GRID1: variants seen among roughly 807,000 people sequenced by gnomAD.
The protein encoded by GRID1 is glutamate ionotropic receptor delta type subunit 1, also known as glutamate receptor ionotropic, delta-1.
GRID1 carries 28 observed loss-of-function variants against 98.0 expected under a neutral mutation model. That is an observed-to-expected ratio of 0.29 (90% CI 0.21 to 0.39). The LOEUF (loss-of-function observed/expected upper bound fraction) is 0.39. Ranked by LOEUF, GRID1 falls within the 10% of genes least tolerant of loss-of-function variation. The pLI, the probability that GRID1 is intolerant of heterozygous loss-of-function variation, is 1.00. For synonymous variants in GRID1, 553 were observed against 538.5 expected (o/e 1.03, Z -0.37); for missense variants, 1,111 against 1,340.5 (o/e 0.83, Z 2.67).
intron 4 of GRID1, among the ~76,000 whole-genome samples, chr10:85,973,651 A>G (rs1842435180): frequency 6.6e-6 from 1 of 152,000 alleles, no homozygotes; most frequent in Non-Finnish European, 1.5e-5. Flanking sequence ...TTCCAGTTTT[A>G]TTTTCTAATC....
intron 2 of GRID1, among the ~76,000 whole-genome samples, chr10:86,312,680 A>G (rs1459034429): frequency 2.6e-5 from 4 of 152,264 alleles, no homozygotes; most frequent in Admixed American, 6.5e-5. Flanking sequence ...ACATCTCACA[A>G]GGTGACTTGG....
At chr10:86,011,646 T>G (rs1261933764) in intron 4 of GRID1, among the ~76,000 whole-genome samples, 1 of 152,194 alleles carries the variant, frequency 6.6e-6, no homozygotes, top group Non-Finnish European at 1.5e-5. Flanking sequence ...GGAAAGAACG[T>G]AATTTCAGAT....
intron 2 of GRID1, among the ~76,000 whole-genome samples, chr10:86,299,593 C>T (rs1447777951): frequency 6.6e-6 from 1 of 151,878 alleles, no homozygotes; most frequent in Non-Finnish European, 1.5e-5. Context: ...CATGTTCTCA[C>T]TCATAGGAGG....
intron 5 of GRID1, among the ~76,000 whole-genome samples, chr10:85,903,535 T>A (rs1311806707): frequency 6.6e-6 from 1 of 152,146 alleles, no homozygotes; most frequent in Non-Finnish European, 1.5e-5. Flanking sequence ...CCACCTCACT[T>A]ACTCTTAAGG....
At chr10:86,124,101 T>C (rs1422050322) in intron 4 of GRID1, among the ~76,000 whole-genome samples, 2 of 152,152 alleles carry the variant, frequency 1.3e-5, no homozygotes, top group African/African-American at 4.8e-5. Context: ...AACTATAGAG[T>C]ACAATTCCCT....
At chr10:86,346,198 A>G (rs896806040) in intron 2 of GRID1, among the ~76,000 whole-genome samples, 1 of 152,200 alleles carries the variant, frequency 6.6e-6, no homozygotes, top group Non-Finnish European at 1.5e-5. Context: ...ACTCCAGCAC[A>G]TGGGTTCTGC....
chr10:85,941,047 A>G (rs1243890802), intron 4 of GRID1, among the ~76,000 whole-genome samples: 1 of 152,234 alleles, frequency 6.6e-6, no homozygotes, highest in East Asian at 1.9e-4. Flanking sequence ...AAGGACCCAC[A>G]TATATCAGGT....
At chr10:85,697,186 G>A (rs1160400959) in intron 12 of GRID1, among the ~76,000 whole-genome samples, 1 of 151,928 alleles carries the variant, frequency 6.6e-6, no homozygotes, top group Non-Finnish European at 1.5e-5. Flanking sequence ...ATAGTTTTTT[G>A]TTTACTTGCT....
chr10:85,704,137 A>G (rs987731261), intron 12 of GRID1, among the ~76,000 whole-genome samples: 2 of 152,192 alleles, frequency 1.3e-5, no homozygotes, highest in Non-Finnish European at 2.9e-5. Context: ...CTTAAATGAA[A>G]TGGGCTAAAT....
At chr10:85,652,226 A>G (rs933602934) in intron 12 of GRID1, among the ~76,000 whole-genome samples, 4 of 152,194 alleles carry the variant, frequency 2.6e-5, no homozygotes, top group East Asian at 1.9e-4. Flanking sequence ...CCGTAAATCA[A>G]TCTTACTATT....
intron 3 of GRID1, among the ~76,000 whole-genome samples, chr10:86,197,896 T>C (rs1001858822): frequency 6.6e-6 from 1 of 152,100 alleles, no homozygotes; most frequent in African/African-American, 2.4e-5. Context: ...CAGGTAAAGT[T>C]ATTGTCAAAC....
chr10:86,121,091 C>T (rs1423916081), intron 4 of GRID1, among the ~76,000 whole-genome samples: 1 of 152,122 alleles, frequency 6.6e-6, no homozygotes, highest in Non-Finnish European at 1.5e-5. Flanking sequence ...GTAAGAGCAA[C>T]CACAAGGAGC....
intron 8 of GRID1, among the ~76,000 whole-genome samples, chr10:85,761,846 C>T (rs934599630): frequency 3.9e-5 from 6 of 152,156 alleles, no homozygotes; most frequent in African/African-American, 1.2e-4. Flanking sequence ...TTCAAAGTCT[C>T]ATTTGGCGGT....
chr10:86,086,581 A>G (rs984686455), intron 4 of GRID1, among the ~76,000 whole-genome samples: 5 of 152,200 alleles, frequency 3.3e-5, no homozygotes, highest in African/African-American at 9.7e-5. Context: ...AGGGGGTTAT[A>G]AGCAAATGAA....
At position 86,195,539 on chromosome 10, in the gene GRID1, C is replaced by A. The variant is rs904284551; in HGVS notation, c.520+10825G>T. On this transcript the variant is annotated intron_variant, in intron 3 of 15. Coordinates refer to ENST00000327946, the MANE Select transcript of GRID1 (RefSeq NM_017551.3). This position sits in a 1 kb window ranked among gnomAD's most constrained non-coding sequence, Gnocchi z 4.4. Reference sequence around the variant, plus strand: ...GGAAATAAACAAATAAGCAAACAGGCAGACAATGCAACCTGAAACAATCAA... The same window carrying A: ...GGAAATAAACAAATAAGCAAACAGGAAGACAATGCAACCTGAAACAATCAA... Among the ~76,000 whole-genome samples, 1 of 152,172 alleles carries A rather than the reference C, an allele frequency of 6.6e-6. No homozygotes were observed. The highest frequency in any genetic ancestry group is 1.5e-5 in the Non-Finnish European group (1 of 67,992).
At chr10:86,332,629 C>T (rs1848163108) in intron 2 of GRID1, among the ~76,000 whole-genome samples, 1 of 152,126 alleles carries the variant, frequency 6.6e-6, no homozygotes, top group African/African-American at 2.4e-5. Flanking sequence ...CTGCCTCATC[C>T]CCTCTGGGGC....
At chr10:86,146,753 C>T (rs1845094816) in intron 3 of GRID1, among the ~76,000 whole-genome samples, 1 of 152,210 alleles carries the variant, frequency 6.6e-6, no homozygotes, top group Non-Finnish European at 1.5e-5. Flanking sequence ...CCTGGAGGAG[C>T]TCTGGGTCCT....
At chr10:85,942,989 A>C (rs1842013789) in intron 4 of GRID1, among the ~76,000 whole-genome samples, 1 of 152,200 alleles carries the variant, frequency 6.6e-6, no homozygotes, top group African/African-American at 2.4e-5. Context: ...TGGGCTAATA[A>C]ATTCTTTGCA....
At chr10:85,929,331 C>A (rs899333884) in intron 4 of GRID1, among the ~76,000 whole-genome samples, 1 of 152,158 alleles carries the variant, frequency 6.6e-6, no homozygotes, top group African/African-American at 2.4e-5. Flanking sequence ...TTGGGGTCCA[C>A]CGAAGGTGTC....
Sources: gnomAD v4.1 joint callset for allele counts (sites outside exome capture counted in the v4.1 genomes callset) on GRCh38, gnomAD v4.1.1 for gene constraint, Gnocchi (gnomAD v3.1) non-coding constraint, MANE v1.5 for transcripts, NCBI Gene and HGNC (gene_info 2026-07-23, HGNC 2026-07-21) for gene names.